The following PRKAR1B variants were observed in gnomAD, a reference collection of about 807,000 sequenced individuals.
PRKAR1B encodes protein kinase cAMP-dependent type I regulatory subunit beta.
Under a neutral mutation model 46.5 loss-of-function variants are expected in PRKAR1B, and 22 were observed. That is an observed-to-expected ratio of 0.47 (90% CI 0.34 to 0.68). The LOEUF is 0.68. Among genes scored for constraint, PRKAR1B ranks in the 30% least tolerant of loss-of-function variants. The pLI is 0.01. For missense variants in PRKAR1B, 445 were observed against 535.6 expected, an observed-to-expected ratio of 0.83 and a Z score of 1.67; for synonymous variants, 259 against 217.7, an observed-to-expected ratio of 1.19 and a Z score of -1.67.
chr7:615,880 A>T (rs1782787608), intron 4 of PRKAR1B, among the ~76,000 whole-genome samples: 1 of 151,218 alleles, frequency 6.6e-6, no homozygotes, highest in South Asian at 2.1e-4. Flanking sequence ...AGGGAGGGAA[A>T]GGGAGAGAGA....
chr7:592,517 G>A (rs1312991021), intron 7 of PRKAR1B, among the ~76,000 whole-genome samples: 1 of 152,066 alleles, frequency 6.6e-6, no homozygotes, highest in African/African-American at 2.4e-5. Context: ...TCCCCTCCTG[G>A]CCCCACTGGC....
intron 4 of PRKAR1B, among the ~76,000 whole-genome samples, chr7:673,238 C>A (rs760843832): frequency 6.6e-6 from 1 of 151,990 alleles, no homozygotes; most frequent in Non-Finnish European, 1.5e-5. Flanking sequence ...AGGGTCCCTT[C>A]GTGATCTTCC....
chr7:615,630 G>T (rs935835061), intron 4 of PRKAR1B, among the ~76,000 whole-genome samples: 5 of 151,158 alleles, frequency 3.3e-5, no homozygotes, highest in Non-Finnish European at 7.4e-5. Context: ...GAGGTCAGGA[G>T]ATCGAGACCA....
chr7:661,730 A>G (rs369276400), intron 4 of PRKAR1B, among the ~76,000 whole-genome samples: 1 of 30,264 alleles, frequency 3.3e-5, no homozygotes, highest in African/African-American at 1.6e-4. Context: ...ACCCCAACGG[A>G]TCCAAATACC....
At chr7:586,883 C>T (rs933470892) in intron 7 of PRKAR1B, among the ~76,000 whole-genome samples, 11 of 111,054 alleles carry the variant, frequency 9.9e-5, no homozygotes, top group African/African-American at 3.5e-4. Context: ...TTTATCCCAC[C>T]TTCTTTTTTT....
intron 9 of PRKAR1B, among the ~76,000 whole-genome samples, chr7:559,720 A>C (rs1237848045): frequency 6.6e-6 from 1 of 152,212 alleles, no homozygotes; most frequent in Non-Finnish European, 1.5e-5. Context: ...AGGAAAAGGC[A>C]CATGCACCCC....
chr7:584,853 C>A (rs1240295816), intron 7 of PRKAR1B, among the ~76,000 whole-genome samples: 1 of 152,122 alleles, frequency 6.6e-6, no homozygotes, highest in Non-Finnish European at 1.5e-5. Flanking sequence ...CGTGGTAGTT[C>A]CACACGGTGA....
chr7:664,162 C>T (rs1785774740), intron 4 of PRKAR1B, among the ~76,000 whole-genome samples: 1 of 152,214 alleles, frequency 6.6e-6, no homozygotes, highest in African/African-American at 2.4e-5. Context: ...CATCCCCAGC[C>T]AGCTGGTGAA....
At chr7:610,732 C>T (rs1322797940) in intron 4 of PRKAR1B, among the ~76,000 whole-genome samples, 1 of 152,226 alleles carries the variant, frequency 6.6e-6, no homozygotes, top group Non-Finnish European at 1.5e-5. Context: ...TCCTCTTTCT[C>T]TCAGCACTTA....
At chr7:608,528 C>T (rs1021120577) in intron 4 of PRKAR1B, 3 of 152,430 alleles carry the variant, frequency 2.0e-5, no homozygotes, top group Admixed American at 6.5e-5. Context: ...TTTTTTGAGT[C>T]CTTGTTCCCA....
At position 615,535 on chromosome 7, in the gene PRKAR1B, GAGAA is replaced by G. The variant is rs577108913; in HGVS notation, c.441-8087_441-8084del. Among the ~76,000 whole-genome samples, 34 of 151,480 alleles carry G rather than the reference GAGAA, an allele frequency of 2.2e-4. No individual in the cohort carries two copies. The South Asian group carries it at 6.7e-3, about 30-fold the overall frequency. On this transcript the variant is annotated intron_variant, in intron 4 of 10. Coordinates refer to ENST00000537384, the MANE Select transcript of PRKAR1B (RefSeq NM_001164760.2). ...AAGGAAGAAAGGAAAGAAAGAGAGA[GAGAA>G]AGAAGGAAAGAAAGAAGGCCGGGTG...
intron 2 of PRKAR1B, among the ~76,000 whole-genome samples, chr7:702,554 G>A (rs118010370): frequency 0.1 from 15,757 of 152,148 alleles, 1,139 homozygotes; most frequent in Middle Eastern, 0.17. Context: ...GCTGGGCGTG[G>A]GGCTCACACC....
At chr7:654,100 C>T (rs1285792418) in intron 4 of PRKAR1B, among the ~76,000 whole-genome samples, 1 of 150,412 alleles carries the variant, frequency 6.6e-6, no homozygotes, top group Non-Finnish European at 1.5e-5. Flanking sequence ...ACGATCCTCA[C>T]CATCCTCCTC....
At chr7:695,414 G>A (rs996059691) in intron 2 of PRKAR1B, among the ~76,000 whole-genome samples, 3 of 152,126 alleles carry the variant, frequency 2.0e-5, no homozygotes, top group African/African-American at 7.2e-5. Flanking sequence ...TGGAATCTAA[G>A]AGAGAGCCCC....
chr7:684,027 C>T (rs1778858631), intron 2 of PRKAR1B, among the ~76,000 whole-genome samples: 1 of 151,790 alleles, frequency 6.6e-6, no homozygotes, highest in East Asian at 1.9e-4. Context: ...GCACCAATGC[C>T]CACCTCCACA....
In PRKAR1B at chr7:606,861, ATATG is replaced by A. The variant is rs962506709; in HGVS notation, c.502+526_502+529del. Among the ~76,000 whole-genome samples, 3 of 151,088 alleles carry A rather than the reference ATATG, an allele frequency of 2.0e-5. No homozygotes were observed. In the South Asian group the frequency reaches 6.2e-4, roughly 31 times the overall value. On this transcript the variant is annotated intron_variant, in intron 5 of 10. Transcript: ENST00000537384. Reference sequence around the variant, plus strand: ...TTTATATTTACTTAGTTTTATACATATATGTATCTATTTTATACACACACATATG... The same window carrying A: ...TTTATATTTACTTAGTTTTATACATATATCTATTTTATACACACACATATG...
rs1192574620 is a variant in PRKAR1B, at chr7:550,495, G to A, written c.1081C>T (p.Pro361Ser). Reference protein sequence around the residue: ...DRPRFERVLGPCSEILKRNIQ... With the variant: ...DRPRFERVLGSCSEILKRNIQ... ...TTCCTCTTGAGGATCTCAGAGCAGG[G>A]CCCCAGCACACGCTCGAAGCGGGGC... Residue 361 changes from proline (P) to serine (S), a missense_variant, in exon 11 of 11, where the codon CCC (proline) becomes TCC (serine). By Grantham distance (74) the Pro-to-Ser change is moderately conservative (BLOSUM62 -1). Transcript: ENST00000537384. The A allele has an allele frequency of 1.2e-6, 2 of 1,600,136 alleles. No individual in the cohort carries two copies. Among genetic ancestry groups the A allele is most frequent in the Non-Finnish European group, 1.7e-6 (2 of 1,174,056 alleles).
chr7:602,550 C>CAGG lies in PRKAR1B; in HGVS notation c.549+3642_549+3643insCCT, dbSNP rs1420323494. The CAGG allele has an allele frequency of 5.9e-6, 1 of 169,552 alleles. No homozygotes were observed. The highest frequency in any genetic ancestry group is 1.5e-5 in the Non-Finnish European group (1 of 68,558). The allele number at this position is 169,552 out of a possible 1,614,324, so 10.5% of individuals were successfully genotyped here. On this transcript the variant is annotated intron_variant, in intron 6 of 10. Transcript: ENST00000537384. The surrounding 1 kb of genome is among the most constrained non-coding windows in gnomAD (Gnocchi z 6.4). ...CCCAGCCGCCGGCCCCTCACACCCT[C>CAGG]ACCTCTCCCAGGAAGTCCTCAGCAT... is the stretch of plus-strand genomic sequence containing the variant.
rs552436228 is a variant in PRKAR1B at position 550,366 on chromosome 7, G to A, written c.*64C>T. On this transcript the variant is annotated 3_prime_UTR_variant, in exon 11 of 11. Transcript: ENST00000537384. The stretch of plus-strand genomic sequence containing the variant: ...CTCACACAGCGGCTCCCGGGCCCCC[G>A]ACACAGACGAGCAGGGCACGGCCAC... 73 of 1,493,556 alleles carry A rather than the reference G, an allele frequency of 4.9e-5. No individual in the cohort carries two copies. The Middle Eastern group carries it at 7.1e-4, about 14-fold the overall frequency. 92.5% of individuals were successfully genotyped at this position (1,493,556 alleles called of 1,614,324 possible).
Sources: allele counts gnomAD v4.1 joint callset (sites outside exome capture counted in the v4.1 genomes callset), GRCh38; gene constraint gnomAD v4.1.1; non-coding constraint Gnocchi (gnomAD v3.1); transcripts MANE v1.5; gene names NCBI Gene and HGNC (gene_info 2026-07-23, HGNC 2026-07-21).